Variants in CENATAC observed in about 807,000 individuals in gnomAD.
CENATAC encodes the protein centrosomal AT-AC splicing factor, also known as coiled-coil domain containing 84.
In CENATAC, 53 loss-of-function variants were observed where a neutral mutation model predicts 53.7. The ratio of observed to expected loss-of-function variants is 0.99; its 90% CI spans 0.79 to 1.24. CENATAC has a LOEUF of 1.24. CENATAC is among the 50% of genes most tolerant of loss of function. The probability of loss-of-function intolerance (pLI) is 0.00; values close to 1 mark genes in which losing one functional copy is unlikely to be tolerated. For missense variants in CENATAC, 474 were observed against 417.8 expected (o/e 1.13, Z -1.17); for synonymous variants, 156 against 144.6 (o/e 1.08, Z -0.57).
intron 3 of CENATAC, 132 bp from the exon 4 acceptor site, chr11:119,010,632 C>T: frequency 6.8e-6 from 5 of 740,052 alleles, no homozygotes; most frequent in South Asian, 3.6e-5. Flanking sequence ...GTGAGAGGTA[C>T]ATAGGTGCTT....
In CENATAC at chr11:119,012,001, C is replaced by G; in HGVS notation, c.576C>G (p.Asn192Lys). The stretch of plus-strand genomic sequence containing the variant: ...CACCTAGAAGCTGGAAAGGGATGAA[C>G]AGGTAAGACTATTAGGGAATCTCTT... ...SSAPRSWKGM[N>K]SQVASSLQQP... is the part of the protein sequence containing the mutation. The change falls in exon 6 of 11, where the codon AAC (asparagine) becomes AAG (lysine). Residue 192 changes from asparagine to lysine, a missense_variant and splice_region_variant. Transcript: ENST00000334418. The G allele has an allele frequency of 6.2e-7, 1 of 1,613,952 alleles. No homozygotes were observed.
chr11:118,999,297 G>A (rs1181113377), intron 3 of CENATAC, 188 bp downstream of exon 3: 6 of 542,522 alleles, frequency 1.1e-5, no homozygotes, highest in Non-Finnish European at 2.0e-5. Flanking sequence ...GTTTAGTTGG[G>A]GGATAGGATT....
intron 3 of CENATAC, among the ~76,000 whole-genome samples, chr11:119,005,174 T>TA (rs1942522821): frequency 6.6e-6 from 1 of 151,846 alleles, no homozygotes; most frequent in East Asian, 1.9e-4. Context: ...CTCAAATAAA[T>TA]AAAAATTTTT....
intron 7 of CENATAC, chr11:119,012,988 G>C (rs1351048944): frequency 2.3e-6 from 1 of 435,008 alleles, no homozygotes; most frequent in Admixed American, 4.2e-5. Flanking sequence ...CCCCTGGCAT[G>C]TAATAGCCAC....
At chr11:119,008,287 T>G (rs536701800) in intron 3 of CENATAC, among the ~76,000 whole-genome samples, 7 of 152,340 alleles carry the variant, frequency 4.6e-5, no homozygotes, top group African/African-American at 1.7e-4. Context: ...TTTTATTGAT[T>G]ATTATTTTTC....
chr11:119,007,912 A>G (rs935850022), intron 3 of CENATAC, among the ~76,000 whole-genome samples: 2 of 152,220 alleles, frequency 1.3e-5, no homozygotes, highest in Non-Finnish European at 2.9e-5. Flanking sequence ...TCTTACATAG[A>G]CAGTGAAAAG....
intron 3 of CENATAC, 197 bp from the exon 4 acceptor site, chr11:119,010,567 G>A (rs1312668931): frequency 1.8e-6 from 1 of 558,990 alleles, no homozygotes; most frequent in East Asian, 2.8e-5. Flanking sequence ...AAAAGGACGT[G>A]TGTCTGTACA....
At chr11:119,004,269 A>G (rs985626556) in intron 3 of CENATAC, among the ~76,000 whole-genome samples, 1 of 151,164 alleles carries the variant, frequency 6.6e-6, no homozygotes, top group Admixed American at 6.6e-5. Context: ...TTTTTTTGAG[A>G]CAGAGTCTTG....
chr11:119,013,175 T>C, intron 7 of CENATAC, 57 bp from the exon 8 acceptor site: 2 of 1,347,088 alleles, frequency 1.5e-6, no homozygotes, highest in Non-Finnish European at 2.1e-6. Flanking sequence ...CTAGGATTTT[T>C]TTTTTTAATC....
intron 3 of CENATAC, chr11:119,001,554 T>C (rs916574443): frequency 2.2e-6 from 1 of 446,714 alleles, no homozygotes; most frequent in African/African-American, 2.0e-5. Flanking sequence ...AAAAGACTAG[T>C]ATCTACATAT....
Position 118,999,045 on chromosome 11 carries a change from T to C in CENATAC, c.319T>C (p.Trp107Arg). 6.2e-7 allele frequency: 1 copy of C among 1,614,052 alleles called. No homozygotes were observed. Among genetic ancestry groups the C allele is most frequent in the South Asian group, 1.1e-5 (1 of 91,076 alleles). The change falls in exon 3 of 11, where the codon TGG becomes CGG. Residue 107 changes from tryptophan (W) to arginine (R), a missense_variant. By Grantham distance (101) the Trp-to-Arg change is moderately radical. Transcript: ENST00000334418. The part of the protein sequence containing the change: ...EHKKATNKFW[W>R]ENKAEVQMKE... ...CAAGAAAGCAACCAACAAATTCTGG[T>C]GGGAGAACAAAGCTGAGGTCCAGAT...
At chr11:119,003,302 G>A in intron 3 of CENATAC, 1 of 529,888 alleles carries the variant, frequency 1.9e-6, no homozygotes, top group South Asian at 1.4e-5. Context: ...GAGTCGCAAT[G>A]TCTTGGGCCG....
intron 3 of CENATAC, among the ~76,000 whole-genome samples, chr11:119,006,684 T>A (rs116124120): frequency 0.027 from 4,067 of 152,318 alleles, 177 homozygotes; most frequent in African/African-American, 0.091. Flanking sequence ...CACCTATTTC[T>A]AATGTGACTG....
intron 8 of CENATAC, chr11:119,014,702 C>G (rs1414445576): frequency 4.3e-6 from 1 of 235,262 alleles, no homozygotes; most frequent in Admixed American, 5.5e-5. Context: ...GGCAGTGATA[C>G]TTACAGGGGG....
chr11:119,012,899 A>C (rs1292009418), intron 7 of CENATAC: 4 of 260,544 alleles, frequency 1.5e-5, no homozygotes, highest in Non-Finnish European at 2.9e-5. Flanking sequence ...CACCATGTAA[A>C]GTTGCAAATG....
chr11:119,014,772 C>T (rs1227237968), intron 8 of CENATAC: 3 of 375,632 alleles, frequency 8.0e-6, no homozygotes, highest in Admixed American at 4.3e-5. Context: ...AAGTGTGTAT[C>T]GTTTATGTCA....
At chr11:119,015,145 C>A (rs1943096290) in intron 9 of CENATAC, 62 bp downstream of exon 9, 2 of 1,499,314 alleles carry the variant, frequency 1.3e-6, no homozygotes, top group Non-Finnish European at 1.8e-6. Context: ...GGTTTCCTTG[C>A]CTGTGTGTGG....
intron 7 of CENATAC, 83 bp from the exon 8 acceptor site, chr11:119,013,149 G>A: frequency 9.7e-7 from 1 of 1,033,892 alleles, no homozygotes; most frequent in Non-Finnish European, 1.5e-6. Flanking sequence ...TTTAAAGTGT[G>A]CTTTGTCTAT....
In CENATAC at chr11:118,998,225, T is replaced by G; in HGVS notation, c.28T>G (p.Cys10Gly). The G allele has an allele frequency of 1.3e-6, 2 of 1,584,204 alleles. No individual in the cohort carries two copies. The highest frequency in any genetic ancestry group is 1.7e-6 in the Non-Finnish European group (2 of 1,165,756). Reference sequence around the variant, plus strand: ...GGCGCCGGCGCAGCGCTGCCCTCTGTGCCGCCAGACCTTCTTCTGTGGTCG... The same window carrying G: ...GGCGCCGGCGCAGCGCTGCCCTCTGGGCCGCCAGACCTTCTTCTGTGGTCG... MAPAQRCPL[C>G]RQTFFCGRGH... Residue 10 changes from cysteine (C) to glycine (G), a missense_variant, in exon 1 of 11, where the codon TGC becomes GGC. Physicochemically the swap from Cys to Gly is radical, Grantham distance 159. Transcript: ENST00000334418.
Sources: gnomAD v4.1 joint callset for allele counts (sites outside exome capture counted in the v4.1 genomes callset) on GRCh38, gnomAD v4.1.1 for gene constraint, MANE v1.5 for transcripts, NCBI Gene and HGNC (gene_info 2026-07-23, HGNC 2026-07-21) for gene names.